PARP1: variants seen among roughly 807,000 people sequenced by gnomAD.
The protein encoded by PARP1 is poly(ADP-ribose) polymerase 1, also known as poly [ADP-ribose] polymerase 1.
Under a neutral mutation model 118.7 loss-of-function variants are expected in PARP1, and 44 were observed. The ratio of observed to expected loss-of-function variants is 0.37; its 90% confidence interval spans 0.29 to 0.48. The LOEUF (loss-of-function observed/expected upper bound fraction) is 0.48, where lower values mean the gene tolerates loss of function less well. PARP1 is among the 20% of genes least tolerant of loss of function. The pLI is 0.99. For missense variants in PARP1, 1,100 were observed against 1,272.4 expected (o/e 0.86, Z 2.06); for synonymous variants, 492 against 483.2 (o/e 1.02, Z -0.24).
Position 226,368,335 on chromosome 1 carries a change from G to A in PARP1, c.2155-14C>T. ...CTGAGACACCGCCTGGAGAGGAGGG[G>A]ACAGAAGGAATGCAAGACTGAGGGA... On this transcript the variant is annotated splice_polypyrimidine_tract_variant and intron_variant, in intron 15 of 22. Coordinates refer to ENST00000366794, the MANE Select transcript of PARP1 (RefSeq NM_001618.4). 6.2e-7 allele frequency: 1 copy of A among 1,614,100 alleles called. No individual in the cohort carries two copies. Among genetic ancestry groups the A allele is most frequent in the Non-Finnish European group, 8.5e-7 (1 of 1,180,026 alleles).
In PARP1 at chr1:226,388,726, A is replaced by G. The variant is rs144925873; in HGVS notation, c.647T>C (p.Val216Ala). ...AGATTTCTTCTTCGCCACTTCATCCACTCCATCCACCTCATCGCCTTTTCT... is the reference window on the plus strand; with the variant it reads ...AGATTTCTTCTTCGCCACTTCATCCGCTCCATCCACCTCATCGCCTTTTCT... ...GKRKGDEVDGVDEVAKKKSKK... is the reference protein window; with the variant it reads ...GKRKGDEVDGADEVAKKKSKK... The change falls in exon 5 of 23, where the codon GTG (valine) becomes GCG (alanine). Residue 216 changes from valine (V) to alanine (A), a missense_variant. Coordinates refer to ENST00000366794, the MANE Select transcript of PARP1 (RefSeq NM_001618.4). 7.4e-6 allele frequency: 12 copies of G among 1,613,600 alleles called. No homozygotes were observed. Among genetic ancestry groups the G allele is most frequent in the Non-Finnish European group, 9.3e-6 (11 of 1,179,838 alleles).
intron 2 of PARP1, among the ~76,000 whole-genome samples, chr1:226,397,532 A>G (rs1159989940): frequency 6.6e-6 from 1 of 152,100 alleles, no homozygotes; most frequent in Admixed American, 6.6e-5. Flanking sequence ...ATAATCCCGA[A>G]TGTTGGAGGT....
At chr1:226,365,257 A>T (rs1488020122) in intron 18 of PARP1, 103 bp from the exon 19 acceptor site, 1 of 1,283,086 alleles carries the variant, frequency 7.8e-7, no homozygotes, top group Non-Finnish European at 1.1e-6. Flanking sequence ...GGCTGTCCCT[A>T]AGGCTAGAAG....
At chr1:226,374,167 G>C in intron 14 of PARP1, 59 bp downstream of exon 14, 1 of 1,599,274 alleles carries the variant, frequency 6.3e-7, no homozygotes, top group Non-Finnish European at 8.6e-7. Flanking sequence ...CTCTTCACTA[G>C]CTCAGCAAAT....
At chr1:226,403,781 G>C (rs1665084698) in intron 1 of PARP1, among the ~76,000 whole-genome samples, 1 of 152,216 alleles carries the variant, frequency 6.6e-6, no homozygotes, top group Non-Finnish European at 1.5e-5. Flanking sequence ...AGTAAGGGAA[G>C]TCCCAAACAT....
rs181873250 is a variant in PARP1, at chr1:226,363,932, G to C, written c.2786+11C>G. On this transcript the variant is annotated intron_variant, in intron 20 of 22. Transcript: ENST00000366794. The stretch of plus-strand genomic sequence containing the variant: ...TGAAATGCCATCAGTCCCAGAGCCA[G>C]GTTTACTCACATGTTTCCAAGGGCA... 168 of 1,613,474 alleles carry C rather than the reference G, an allele frequency of 1.0e-4. No individual in the cohort carries two copies. The African/African-American group carries it at 1.8e-3, about 17-fold the overall frequency.
At position 226,408,085 on chromosome 1, in the gene PARP1, T is replaced by G; in HGVS notation, c.-156A>C. 2 of 1,088,348 alleles carry G rather than the reference T, an allele frequency of 1.8e-6. No individual in the cohort carries two copies. Among genetic ancestry groups the G allele is most frequent in the Non-Finnish European group, 1.3e-6 (1 of 749,376 alleles). The allele number at this position is 1,088,348 out of a possible 1,614,324, so 67.4% of individuals were successfully genotyped here. On this transcript the variant is annotated 5_prime_UTR_variant, in exon 1 of 23. Coordinates refer to ENST00000366794, the MANE Select transcript of PARP1 (RefSeq NM_001618.4). ...CGCACCGGCCACCGCCGTTCCCTGATAGATTGCTGATGCCTGGCCGCGGGA... is the reference window on the plus strand; with the variant it reads ...CGCACCGGCCACCGCCGTTCCCTGAGAGATTGCTGATGCCTGGCCGCGGGA...
At chr1:226,405,758 G>A (rs533954598) in intron 1 of PARP1, among the ~76,000 whole-genome samples, 3 of 152,188 alleles carry the variant, frequency 2.0e-5, no homozygotes, top group African/African-American at 4.8e-5. Flanking sequence ...ACGGTACTCT[G>A]CCCACCTGTT....
intron 15 of PARP1, among the ~76,000 whole-genome samples, chr1:226,369,399 T>C (rs948029995): frequency 2.6e-5 from 4 of 152,192 alleles, no homozygotes; most frequent in Non-Finnish European, 4.4e-5. Flanking sequence ...CCGGGACTGG[T>C]AGACCTTGAA....
intron 14 of PARP1, among the ~76,000 whole-genome samples, chr1:226,373,490 A>C (rs765072675): frequency 1.2e-4 from 19 of 152,156 alleles, no homozygotes; most frequent in Non-Finnish European, 7.4e-5. Flanking sequence ...AGGAGCAGCA[A>C]GAACAAGGGG....
At chr1:226,399,443 C>T (rs1664985199) in intron 2 of PARP1, among the ~76,000 whole-genome samples, 2 of 152,108 alleles carry the variant, frequency 1.3e-5, no homozygotes, top group Middle Eastern at 6.8e-3. Flanking sequence ...CTGTATGATT[C>T]CAACTATATT....
chr1:226,370,588 G>T, intron 14 of PARP1, 71 bp from the exon 15 acceptor site: 2 of 1,271,976 alleles, frequency 1.6e-6, no homozygotes, highest in Non-Finnish European at 2.3e-6. Context: ...GCTGGACCGG[G>T]CAGCCCACCC....
At chr1:226,362,560 T>A (rs900775176) in intron 21 of PARP1, among the ~76,000 whole-genome samples, 3 of 152,156 alleles carry the variant, frequency 2.0e-5, no homozygotes, top group African/African-American at 7.2e-5. Context: ...GGCAGTACCC[T>A]CCCTACAGGA....
chr1:226,390,362 T>C (rs1405712895), intron 4 of PARP1, 48 bp downstream of exon 4: 8 of 1,550,288 alleles, frequency 5.2e-6, no homozygotes, highest in African/African-American at 2.7e-5. Context: ...GGGCCTCCCT[T>C]GAACCCCTCA....
chr1:226,371,564 T>C (rs183103860), intron 14 of PARP1, among the ~76,000 whole-genome samples: 3 of 152,306 alleles, frequency 2.0e-5, no homozygotes, highest in African/African-American at 7.2e-5. Context: ...TAAGGGAAGA[T>C]CTGATTTCTG....
At chr1:226,366,272 G>C (rs931333248) in intron 17 of PARP1, 1 of 541,536 alleles carries the variant, frequency 1.8e-6, no homozygotes, top group Non-Finnish European at 3.3e-6. Context: ...GGCTGCTAGA[G>C]AATCTCAGGG....
chr1:226,362,244 GGT>G (rs1294028565), intron 21 of PARP1, 161 bp from the exon 22 acceptor site: 2 of 607,354 alleles, frequency 3.3e-6, no homozygotes, highest in East Asian at 5.8e-5. Context: ...GGAGTGCAAT[GGT>G]GTGACTTCAG....
At chr1:226,385,881 A>G (rs1664707441) in intron 6 of PARP1, among the ~76,000 whole-genome samples, 1 of 152,078 alleles carries the variant, frequency 6.6e-6, no homozygotes, top group African/African-American at 2.4e-5. Context: ...AGGAGACCTT[A>G]TTTCCAAGTG....
intron 5 of PARP1, among the ~76,000 whole-genome samples, chr1:226,387,234 C>T (rs913118824): frequency 2.0e-5 from 3 of 152,184 alleles, no homozygotes; most frequent in Non-Finnish European, 2.9e-5. Flanking sequence ...CCGCCTGCCT[C>T]GGCCTTCCAA....
Sources: allele counts gnomAD v4.1 joint callset (sites outside exome capture counted in the v4.1 genomes callset), GRCh38; gene constraint gnomAD v4.1.1; transcripts MANE v1.5; gene names NCBI Gene and HGNC (gene_info 2026-07-23, HGNC 2026-07-21).